The following SPOCK3 variants were observed in gnomAD, a reference collection of about 807,000 sequenced individuals.
SPOCK3 encodes testican-3.
Under a neutral mutation model 56.6 loss-of-function variants are expected in SPOCK3, and 30 were observed. That is an observed-to-expected ratio of 0.53 (90% CI 0.40 to 0.72). The LOEUF (loss-of-function observed/expected upper bound fraction) is 0.72, where lower values mean the gene tolerates loss of function less well. SPOCK3 is among the 30% of genes least tolerant of loss of function. The probability of loss-of-function intolerance (pLI) is 0.00; values close to 1 mark genes in which losing one functional copy is unlikely to be tolerated. For missense variants in SPOCK3, 527 were observed against 530.0 expected (o/e 0.99, Z 0.06); for synonymous variants, 196 against 183.3 (o/e 1.07, Z -0.56).
At chr4:167,174,089 TA>T (rs1730746370) in intron 2 of SPOCK3, among the ~76,000 whole-genome samples, 1 of 152,162 alleles carries the variant, frequency 6.6e-6, no homozygotes, top group South Asian at 2.1e-4. Flanking sequence ...AATGAAACAA[TA>T]ACATTTTATT....
intron 6 of SPOCK3, among the ~76,000 whole-genome samples, chr4:166,828,470 A>G (rs1745702827): frequency 6.6e-6 from 1 of 152,028 alleles, no homozygotes; most frequent in Non-Finnish European, 1.5e-5. Flanking sequence ...ATTAGATAAT[A>G]TTGTGTAACT....
chr4:166,836,898 T>G (rs1474904620), intron 6 of SPOCK3, among the ~76,000 whole-genome samples: 1 of 152,200 alleles, frequency 6.6e-6, no homozygotes. Context: ...CCCTTACTCC[T>G]GATGTTTTAT....
At chr4:167,205,542 T>C (rs1237975640) in intron 2 of SPOCK3, among the ~76,000 whole-genome samples, 1 of 57,312 alleles carries the variant, frequency 1.7e-5, no homozygotes, top group East Asian at 5.5e-4. Flanking sequence ...ATATAATATA[T>C]ATTATATAAT....
At chr4:167,103,619 G>A (rs921826033) in intron 2 of SPOCK3, among the ~76,000 whole-genome samples, 1 of 152,158 alleles carries the variant, frequency 6.6e-6, no homozygotes, top group African/African-American at 2.4e-5. Context: ...TTCAGTTCCT[G>A]GCTCCCAGAT....
chr4:167,075,409 T>C (rs1350987481), intron 2 of SPOCK3, among the ~76,000 whole-genome samples: 1 of 151,930 alleles, frequency 6.6e-6, no homozygotes, highest in African/African-American at 2.4e-5. Flanking sequence ...GGACCATTCT[T>C]TGAGCCACAC....
chr4:166,958,309 G>A (rs778938717), intron 4 of SPOCK3, among the ~76,000 whole-genome samples: 2 of 152,218 alleles, frequency 1.3e-5, no homozygotes, highest in Non-Finnish European at 2.9e-5. Context: ...GCTTCCTGAG[G>A]CCTCCCCAGA....
intron 6 of SPOCK3, among the ~76,000 whole-genome samples, chr4:166,802,019 T>C (rs551940579): frequency 2.0e-5 from 3 of 152,230 alleles, no homozygotes; most frequent in African/African-American, 4.8e-5. Flanking sequence ...TTGTGAGATA[T>C]GTTTTCGACA....
At chr4:166,872,522 G>A (rs1203261403) in intron 6 of SPOCK3, among the ~76,000 whole-genome samples, 1 of 152,104 alleles carries the variant, frequency 6.6e-6, no homozygotes. Context: ...TTTACTCACG[G>A]TTGCCAAAAC....
intron 3 of SPOCK3, among the ~76,000 whole-genome samples, chr4:167,031,302 C>A (rs1028543699): frequency 1.3e-5 from 2 of 151,834 alleles, no homozygotes; most frequent in Non-Finnish European, 2.9e-5. Flanking sequence ...ATTATATGAG[C>A]TACTTTAGAA....
intron 2 of SPOCK3, among the ~76,000 whole-genome samples, chr4:167,128,509 G>A (rs186145741): frequency 1.4e-4 from 22 of 152,148 alleles, no homozygotes; most frequent in East Asian, 7.7e-4. Context: ...GCCCATTCCC[G>A]TATAGCATAT....
intron 4 of SPOCK3, among the ~76,000 whole-genome samples, chr4:166,917,154 A>G (rs921206449): frequency 1.3e-5 from 2 of 152,178 alleles, no homozygotes; most frequent in African/African-American, 4.8e-5. Flanking sequence ...AAATAAAATA[A>G]TATTTGCATT....
intron 4 of SPOCK3, among the ~76,000 whole-genome samples, chr4:166,982,065 C>T (rs1036032975): frequency 1.3e-5 from 2 of 152,192 alleles, no homozygotes; most frequent in African/African-American, 2.4e-5. Context: ...CTGCAGTTGG[C>T]TGGCTGCAGC....
intron 6 of SPOCK3, among the ~76,000 whole-genome samples, chr4:166,799,903 C>A (rs993781103): frequency 6.6e-6 from 1 of 151,980 alleles, no homozygotes; most frequent in Non-Finnish European, 1.5e-5. Flanking sequence ...TGAAAATGGC[C>A]GGGCACGGTG....
At chr4:167,183,356 A>G (rs1340509454) in intron 2 of SPOCK3, among the ~76,000 whole-genome samples, 1 of 152,216 alleles carries the variant, frequency 6.6e-6, no homozygotes, top group Non-Finnish European at 1.5e-5. Flanking sequence ...ACTTACTTAA[A>G]AGATTTTTTT....
At chr4:167,147,432 C>A (rs779735184) in intron 2 of SPOCK3, among the ~76,000 whole-genome samples, 1 of 152,096 alleles carries the variant, frequency 6.6e-6, no homozygotes, top group Non-Finnish European at 1.5e-5. Flanking sequence ...ACTAGAAATA[C>A]CATTTGACCC....
intron 2 of SPOCK3, among the ~76,000 whole-genome samples, chr4:167,093,682 C>T (rs1223874619): frequency 6.6e-6 from 1 of 152,134 alleles, no homozygotes; most frequent in Non-Finnish European, 1.5e-5. Flanking sequence ...TTTTGTTTTT[C>T]CAGTCTATTA....
At chr4:167,112,768 G>C (rs1253196984) in intron 2 of SPOCK3, among the ~76,000 whole-genome samples, 1 of 151,870 alleles carries the variant, frequency 6.6e-6, no homozygotes, top group East Asian at 1.9e-4. Context: ...AAATACCATG[G>C]GGTGTCATCA....
intron 2 of SPOCK3, among the ~76,000 whole-genome samples, chr4:167,192,780 A>T (rs187295932): frequency 6.9e-6 from 1 of 145,450 alleles, no homozygotes; most frequent in Admixed American, 7.1e-5. Context: ...GCCTCCCGTA[A>T]CTTTTGATAC....
intron 3 of SPOCK3, among the ~76,000 whole-genome samples, chr4:167,021,613 G>T (rs1224111664): frequency 6.6e-6 from 1 of 151,952 alleles, no homozygotes; most frequent in Non-Finnish European, 1.5e-5. Context: ...GATTTCCCCA[G>T]ATCAGATTGA....
Sources: gnomAD v4.1 joint callset for allele counts (sites outside exome capture counted in the v4.1 genomes callset) on GRCh38, gnomAD v4.1.1 for gene constraint, MANE v1.5 for transcripts, NCBI Gene and HGNC (gene_info 2026-07-23, HGNC 2026-07-21) for gene names.